The following ZNF638 variants were observed in gnomAD, a reference collection of about 807,000 sequenced individuals.
ZNF638 encodes zinc finger protein 638.
A neutral mutation model predicts 195.6 loss-of-function variants in ZNF638; 46 were observed. The observed-to-expected ratio is 0.24, with a 90% CI of 0.19 to 0.30. The LOEUF is 0.30. Among genes scored for constraint, ZNF638 ranks in the 10% least tolerant of loss-of-function variants. ZNF638 has a pLI of 1.00. For missense variants in ZNF638, 2,440 were observed against 2,325.3 expected, an observed-to-expected ratio of 1.05 and a Z score of -1.01; for synonymous variants, 845 against 772.0, an observed-to-expected ratio of 1.09 and a Z score of -1.57.
At chr2:71,432,566 G>T (rs1573183778) in intron 26 of ZNF638, among the ~76,000 whole-genome samples, 1 of 152,168 alleles carries the variant, frequency 6.6e-6, no homozygotes, top group African/African-American at 2.4e-5. Flanking sequence ...TTATTGAACA[G>T]TTCTTTGTTA....
At chr2:71,386,164 A>C (rs906676845) in intron 10 of ZNF638, among the ~76,000 whole-genome samples, 4 of 152,102 alleles carry the variant, frequency 2.6e-5, no homozygotes, top group African/African-American at 9.7e-5. Context: ...TTATCTGGGC[A>C]TGTTGGCATG....
At chr2:71,395,555 G>A (rs2079875668) in intron 10 of ZNF638, 3 of 603,996 alleles carry the variant, frequency 5.0e-6, no homozygotes, top group East Asian at 3.0e-5. Context: ...ATTTACTTTT[G>A]CAGACCTTTG....
chr2:71,431,390 C>G lies in ZNF638; in HGVS notation c.5714C>G (p.Ser1905Cys). The G allele has an allele frequency of 6.2e-7, 1 of 1,613,998 alleles. No individual in the cohort carries two copies. Among genetic ancestry groups the G allele is most frequent in the Admixed American group, 1.7e-5 (1 of 60,004 alleles). Residue 1905 changes from serine (S) to cysteine (C), a missense_variant, in exon 26 of 28, where the codon TCT becomes TGT. Coordinates refer to ENST00000264447, the MANE Select transcript of ZNF638 (RefSeq NM_014497.5). ...PERKRKKTED[S>C]SSGKSVASDV... ...CGAAAACGCAAGAAGACTGAAGACTCTTCTTCAGGCAAATCAGTGGCGTCT... is the reference window on the plus strand; with the variant it reads ...CGAAAACGCAAGAAGACTGAAGACTGTTCTTCAGGCAAATCAGTGGCGTCT...
At chr2:71,404,516 A>G (rs1450733933) in intron 17 of ZNF638, among the ~76,000 whole-genome samples, 5 of 152,150 alleles carry the variant, frequency 3.3e-5, no homozygotes, top group Non-Finnish European at 5.9e-5. Flanking sequence ...TCAGGACCCA[A>G]GACCAGCCTG....
In ZNF638 at chr2:71,363,742, T is replaced by C. The variant is rs141461106; in HGVS notation, c.1419-212T>C. Reference sequence around the variant, plus strand: ...AACTAGAAAACAGACATCCAAGCAATTGGAGGGCTGATAAACTGTTCTGAT... The same window carrying C: ...AACTAGAAAACAGACATCCAAGCAACTGGAGGGCTGATAAACTGTTCTGAT... On this transcript the variant is annotated intron_variant, in intron 4 of 27. Transcript: ENST00000264447. Among the ~76,000 whole-genome samples the C allele has an allele frequency of 3.9e-5, 6 of 152,308 alleles. No homozygotes were observed. The East Asian group carries it at 9.6e-4, about 24-fold the overall frequency.
At chr2:71,378,687 C>T (rs934613313) in intron 8 of ZNF638, among the ~76,000 whole-genome samples, 1 of 152,098 alleles carries the variant, frequency 6.6e-6, no homozygotes, top group African/African-American at 2.4e-5. Flanking sequence ...AATAGAAGTA[C>T]TCTTGTTGGG....
At chr2:71,425,745 C>T (rs2080526400) in intron 23 of ZNF638, among the ~76,000 whole-genome samples, 1 of 152,128 alleles carries the variant, frequency 6.6e-6, no homozygotes, top group African/African-American at 2.4e-5. Flanking sequence ...TCTCGGCTCA[C>T]TGCAACCTCT....
intron 21 of ZNF638, among the ~76,000 whole-genome samples, chr2:71,419,774 A>G (rs2080385895): frequency 6.6e-6 from 1 of 152,086 alleles, no homozygotes; most frequent in Admixed American, 6.6e-5. Context: ...ATTTTATTTC[A>G]TTTTACAAAG....
chr2:71,403,785 A>AAGT, intron 16 of ZNF638, 85 bp from the exon 17 acceptor site: 1 of 939,072 alleles, frequency 1.1e-6, no homozygotes, highest in Non-Finnish European at 1.6e-6. Context: ...TTGACGTTTG[A>AAGT]AGTAGTTTGT....
Position 71,349,110 on chromosome 2 carries a change from A to G in ZNF638, c.156A>G (p.Pro52=). The change falls in exon 2 of 28, where the codon CCA becomes CCG. Residue 52 remains proline, a synonymous_variant. Transcript: ENST00000264447. ...CAGCAGGGAGAGCACGTGGAATTCC[A>G]CACAGATTTGCTGGCCATGAATCTT... ...FYPAGRARGI[P]HRFAGHESYQ... The G allele has an allele frequency of 6.2e-7, 1 of 1,614,212 alleles. No individual in the cohort carries two copies. Among genetic ancestry groups the G allele is most frequent in the Non-Finnish European group, 8.5e-7 (1 of 1,180,042 alleles).
chr2:71,343,389 C>T (rs886788374), intron 1 of ZNF638, among the ~76,000 whole-genome samples: 10 of 152,136 alleles, frequency 6.6e-5, no homozygotes, highest in African/African-American at 2.2e-4. Context: ...GATGTATCTC[C>T]TCACCCCACC....
rs187078905 is a variant in ZNF638, at chr2:71,396,014, A to C, written c.2378-127A>C. The C allele has an allele frequency of 3.2e-4, 251 of 774,114 alleles. 2 individuals are homozygous for C. The Middle Eastern group carries it at 4.6e-3, about 14-fold the overall frequency. 48.0% of individuals were successfully genotyped at this position (774,114 alleles called of 1,614,324 possible). ...TTGCCCCCATAGTAATTCCATGGAC[A>C]TACAAAGATGAGTATAGGGCTGTTT... On this transcript the variant is annotated intron_variant, in intron 10 of 27. Coordinates refer to ENST00000264447, the MANE Select transcript of ZNF638 (RefSeq NM_014497.5).
intron 3 of ZNF638, among the ~76,000 whole-genome samples, chr2:71,356,922 A>G (rs187240784): frequency 6.6e-6 from 1 of 152,204 alleles, no homozygotes; most frequent in African/African-American, 2.4e-5. Flanking sequence ...TGTCAGAAAT[A>G]CTTCTTTCTT....
intron 19 of ZNF638, among the ~76,000 whole-genome samples, 153 bp downstream of exon 19, chr2:71,406,415 A>T (rs1281381223): frequency 6.6e-6 from 1 of 152,214 alleles, no homozygotes. Context: ...TTTATTTTGG[A>T]CTGGGCCGAG....
At chr2:71,398,652 T>C in intron 11 of ZNF638, 49 bp from the exon 12 acceptor site, 1 of 1,399,636 alleles carries the variant, frequency 7.1e-7, no homozygotes, top group Non-Finnish European at 1.0e-6. Flanking sequence ...TTGGAGATTG[T>C]TGATACTAGT....
chr2:71,407,593 T>C (rs1462281871), intron 19 of ZNF638: 1 of 152,232 alleles, frequency 6.6e-6, no homozygotes, highest in Non-Finnish European at 1.5e-5. Flanking sequence ...GTTTAAGTGT[T>C]TGTTCACTGA....
chr2:71,391,725 G>T (rs1313329678), intron 10 of ZNF638, among the ~76,000 whole-genome samples: 2 of 152,050 alleles, frequency 1.3e-5, no homozygotes, highest in Non-Finnish European at 2.9e-5. Context: ...ATATTAACTG[G>T]CATCCCCCCA....
intron 3 of ZNF638, among the ~76,000 whole-genome samples, chr2:71,362,866 C>G (rs1482545664): frequency 6.6e-6 from 1 of 152,176 alleles, no homozygotes; most frequent in Non-Finnish European, 1.5e-5. Context: ...ACTGTCTTCT[C>G]TCTTTTAACC....
intron 20 of ZNF638, chr2:71,418,155 C>G (rs1343085250): frequency 6.6e-6 from 1 of 152,324 alleles, no homozygotes; most frequent in Non-Finnish European, 1.5e-5. Flanking sequence ...TATCAGATAT[C>G]AGACAAATAT....
Sources: allele counts gnomAD v4.1 joint callset (sites outside exome capture counted in the v4.1 genomes callset), GRCh38; gene constraint gnomAD v4.1.1; transcripts MANE v1.5; gene names NCBI Gene and HGNC (gene_info 2026-07-23, HGNC 2026-07-21).